The following TMEM117 variants were observed in gnomAD, a reference collection of about 807,000 sequenced individuals.
The protein encoded by TMEM117 is transmembrane protein 117.
Under a neutral mutation model 52.4 loss-of-function variants are expected in TMEM117, and 27 were observed. That is an observed-to-expected ratio of 0.51 (90% CI 0.38 to 0.71). The LOEUF (loss-of-function observed/expected upper bound fraction) is 0.71, where lower values mean the gene tolerates loss of function less well. Among genes scored for constraint, TMEM117 ranks in the 30% least tolerant of loss-of-function variants. TMEM117 has a pLI of 0.00. For missense variants in TMEM117, 556 were observed against 630.5 expected (o/e 0.88, Z 1.26); for synonymous variants, 215 against 206.3 (o/e 1.04, Z -0.36).
chr12:43,820,650 T>C, the TMEM117 span, among the ~76,000 whole-genome samples: 251 of 151,984 alleles, frequency 1.7e-3, 2 homozygotes, highest in Middle Eastern at 0.017. Context: ...ATTGTTATTC[T>C]GCAGGTGTGC....
intron 3 of TMEM117, 22 bp from the exon 4 acceptor site, chr12:44,143,503 T>A: frequency 6.3e-7 from 1 of 1,581,042 alleles, no homozygotes. Flanking sequence ...CCGGACAATG[T>A]CTTGTGTGTT....
In TMEM117 at chr12:43,886,610, C is replaced by T. The variant is rs181262838; in HGVS notation, c.277+41682C>T. ...GGTTTGAGAAATGTTTTTTTTCTGG[C>T]GAGGTAGCCATTTCTTTTTTTTAAC... On this transcript the variant is annotated intron_variant, in intron 2 of 7. Coordinates refer to ENST00000266534, the MANE Select transcript of TMEM117 (RefSeq NM_032256.3). Among the ~76,000 whole-genome samples the T allele has an allele frequency of 9.2e-5, 14 of 151,988 alleles. No individual in the cohort carries two copies. In the East Asian group the frequency reaches 1.9e-3, roughly 21 times the overall value.
At chr12:43,880,110 A>G (rs901140304) in intron 2 of TMEM117, among the ~76,000 whole-genome samples, 4 of 152,172 alleles carry the variant, frequency 2.6e-5, no homozygotes, top group Non-Finnish European at 4.4e-5. Context: ...AAAATTTTCC[A>G]AGCTTTAGTT....
chr12:44,233,678 A>G (rs994287291), intron 5 of TMEM117, among the ~76,000 whole-genome samples: 6 of 151,296 alleles, frequency 4.0e-5, no homozygotes, highest in African/African-American at 1.2e-4. Flanking sequence ...TGTATCTTTC[A>G]TTTTTATTTA....
chr12:44,288,290 C>T (rs1162187841), intron 5 of TMEM117, among the ~76,000 whole-genome samples: 3 of 152,110 alleles, frequency 2.0e-5, no homozygotes, highest in African/African-American at 7.2e-5. Context: ...ATTTTTAGGT[C>T]TTTTTCTCTG....
chr12:44,124,585 C>G (rs1354580650), intron 3 of TMEM117, among the ~76,000 whole-genome samples: 3 of 152,056 alleles, frequency 2.0e-5, no homozygotes, highest in South Asian at 2.1e-4. Context: ...CCTTCAATAC[C>G]TAGTTTATTG....
At chr12:43,975,524 C>G (rs1945658072) in intron 3 of TMEM117, among the ~76,000 whole-genome samples, 1 of 152,158 alleles carries the variant, frequency 6.6e-6, no homozygotes, top group Non-Finnish European at 1.5e-5. Context: ...TGCTGACCAT[C>G]ATGTAGCTGA....
chr12:44,389,884 T>C (rs568529044), downstream of TMEM117: 2 of 152,186 alleles, frequency 1.3e-5, no homozygotes, highest in South Asian at 4.1e-4. Flanking sequence ...TGCTTTCAAT[T>C]TTGTTCCATA....
rs551257778 is a variant in TMEM117 at position 44,101,513 on chromosome 12, G to A, written c.411-42012G>A. ...ATCACTTCTCACCTGGTTTACTTCC[G>A]GAGACTCCCAATATCCTCATAGCTT... is the stretch of plus-strand genomic sequence containing the variant. On this transcript the variant is annotated intron_variant, in intron 3 of 7. Coordinates refer to ENST00000266534, the MANE Select transcript of TMEM117 (RefSeq NM_032256.3). 5.3e-5 allele frequency among the ~76,000 whole-genome samples: 8 copies of A among 151,832 alleles called. 1 individual carries two copies. The East Asian group carries it at 9.7e-4, about 18-fold the overall frequency.
intron 3 of TMEM117, among the ~76,000 whole-genome samples, chr12:44,004,268 T>C (rs773614630): frequency 1.3e-5 from 2 of 152,198 alleles, no homozygotes; most frequent in Non-Finnish European, 2.9e-5. Context: ...TGGAGTGCTC[T>C]TTTGCTGACT....
chr12:43,925,257 T>C (rs12371940), intron 2 of TMEM117, among the ~76,000 whole-genome samples: 5,199 of 152,016 alleles, frequency 0.034, 137 homozygotes, highest in Non-Finnish European at 0.054. Context: ...GTGAGACTCA[T>C]TGAGGGCCAT....
Position 44,299,592 on chromosome 12 carries a change from T to C in TMEM117, c.621T>C (p.Phe207=). The change falls in exon 6 of 8, where the codon TTT becomes TTC. Residue 207 remains phenylalanine (F), a synonymous_variant. Transcript: ENST00000266534. ...VRITLFWTVL[F]TLTSVVVLVI... The stretch of plus-strand genomic sequence containing the variant: ...TTGTTCCTTACAGGACAGTTCTTTT[T>C]ACTCTGACGTCTGTGGTTGTACTTG... 1 of 1,614,218 alleles carries C rather than the reference T, an allele frequency of 6.2e-7. No homozygotes were observed. Among genetic ancestry groups the C allele is most frequent in the Non-Finnish European group, 8.5e-7 (1 of 1,180,016 alleles).
At chr12:43,909,988 A>G (rs1340861646) in intron 2 of TMEM117, among the ~76,000 whole-genome samples, 1 of 133,460 alleles carries the variant, frequency 7.5e-6, no homozygotes, top group Non-Finnish European at 1.6e-5. Context: ...TCCCTAACTC[A>G]TTTTATGAGG....
chr12:44,051,973 C>T (rs1292571388), intron 3 of TMEM117, among the ~76,000 whole-genome samples: 1 of 152,174 alleles, frequency 6.6e-6, no homozygotes, highest in African/African-American at 2.4e-5. Flanking sequence ...GGTTCATATA[C>T]CAGCTCTACT....
In TMEM117 at chr12:44,388,334, G is replaced by T. The variant is rs1458767259; in HGVS notation, c.1207G>T (p.Ala403Ser). The change falls in exon 8 of 8, where the codon GCC becomes TCC. Residue 403 changes from alanine (A) to serine (S), a missense_variant. Coordinates refer to ENST00000266534, the MANE Select transcript of TMEM117 (RefSeq NM_032256.3). Reference protein sequence around the residue: ...KCLAFVPSLIAFVWFGFFIWF... With the variant: ...KCLAFVPSLISFVWFGFFIWF... ...TCTGGCCTTTGTTCCAAGCCTGATA[G>T]CCTTTGTGTGGTTTGGATTCTTTAT... 6.2e-7 allele frequency: 1 copy of T among 1,613,562 alleles called. No homozygotes were observed.
intron 5 of TMEM117, among the ~76,000 whole-genome samples, chr12:44,294,318 G>A (rs928696020): frequency 2.0e-5 from 3 of 152,164 alleles, no homozygotes; most frequent in Non-Finnish European, 4.4e-5. Flanking sequence ...CCCAGTGGAT[G>A]CCTGAAACTG....
At chr12:43,912,382 G>A (rs1224541287) in intron 2 of TMEM117, among the ~76,000 whole-genome samples, 6 of 151,614 alleles carry the variant, frequency 4.0e-5, no homozygotes, top group Non-Finnish European at 7.4e-5. Context: ...AGCATTGGGA[G>A]ATATACCTAA....
At chr12:43,798,887 A>G in the TMEM117 span, among the ~76,000 whole-genome samples, 1 of 152,216 alleles carries the variant, frequency 6.6e-6, no homozygotes, top group Non-Finnish European at 1.5e-5. Flanking sequence ...ATTAAAAATA[A>G]TGATAAACTA....
chr12:43,842,062 AT>A (rs558007215), intron 1 of TMEM117, among the ~76,000 whole-genome samples: 1 of 151,982 alleles, frequency 6.6e-6, no homozygotes, highest in African/African-American at 2.4e-5. Context: ...CCAGTGATGA[AT>A]TTTTTTTGTA....
Sources: gnomAD v4.1 joint callset for allele counts (sites outside exome capture counted in the v4.1 genomes callset) on GRCh38, gnomAD v4.1.1 for gene constraint, MANE v1.5 for transcripts, NCBI Gene and HGNC (gene_info 2026-07-23, HGNC 2026-07-21) for gene names.